NME7: variants seen among roughly 807,000 people sequenced by gnomAD.
NME7 encodes the protein NME/NM23 family member 7.
Under a neutral mutation model 49.1 loss-of-function variants are expected in NME7, and 41 were observed. That is an observed-to-expected ratio of 0.83 (90% confidence interval 0.65 to 1.08). NME7 has a LOEUF of 1.08. NME7 is among the 50% of genes least tolerant of loss of function. The pLI is 0.00. For missense variants in NME7, 423 were observed against 463.4 expected, an observed-to-expected ratio of 0.91 and a Z score of 0.80; for synonymous variants, 139 against 150.6, an observed-to-expected ratio of 0.92 and a Z score of 0.56.
chr1:169,285,060 C>T (rs934942162), intron 7 of NME7: 13 of 152,054 alleles, frequency 8.5e-5, no homozygotes, highest in Middle Eastern at 6.8e-3. Context: ...CAAATATACA[C>T]GGGTGTATGT....
At chr1:169,245,723 AT>A (rs1372370746) in intron 7 of NME7, among the ~76,000 whole-genome samples, 6 of 152,344 alleles carry the variant, frequency 3.9e-5, no homozygotes, top group Admixed American at 2.0e-4. Context: ...TAACTAAAAA[AT>A]AGACGTGTAT....
At chr1:169,236,650 G>A (rs974791569) in intron 8 of NME7, among the ~76,000 whole-genome samples, 1 of 151,260 alleles carries the variant, frequency 6.6e-6, no homozygotes, top group Non-Finnish European at 1.5e-5. Flanking sequence ...ATAATTCTAG[G>A]TAAGATTCTT....
intron 10 of NME7, among the ~76,000 whole-genome samples, chr1:169,188,066 A>C (rs1347621207): frequency 6.6e-6 from 1 of 152,134 alleles, no homozygotes; most frequent in Non-Finnish European, 1.5e-5. Flanking sequence ...AGAATGTTGA[A>C]TATTGGCCCC....
Position 169,271,984 on chromosome 1 carries a change from G to A in NME7, c.754+15319C>T, listed in dbSNP as rs940920274. On this transcript the variant is annotated intron_variant, in intron 7 of 11. Transcript: ENST00000367811. The stretch of plus-strand genomic sequence containing the variant: ...CTGGGTTAATTACATACTTCAAAAT[G>A]GTCTTAAATTATTCCAAAAATACAG... 6.1e-5 allele frequency among the ~76,000 whole-genome samples: 8 copies of A among 130,868 alleles called. 1 individual carries two copies. The highest frequency in any genetic ancestry group is 2.1e-4 in the African/African-American group (8 of 38,954). The allele number at this position is 130,868 out of a possible 152,430, so 85.9% of individuals were successfully genotyped here. A position where few individuals can be genotyped will look rare whatever the true frequency, so the allele number is the denominator to read the frequency against.
chr1:169,218,683 T>C (rs563933158), intron 10 of NME7, among the ~76,000 whole-genome samples: 10 of 138,964 alleles, frequency 7.2e-5, no homozygotes, highest in Non-Finnish European at 9.7e-5. Flanking sequence ...TTTTTTTTTT[T>C]AGTAATATAG....
At chr1:169,300,911 A>G (rs898165539) in intron 5 of NME7, among the ~76,000 whole-genome samples, 1 of 152,040 alleles carries the variant, frequency 6.6e-6, no homozygotes, top group Non-Finnish European at 1.5e-5. Flanking sequence ...GCCCCTTAAC[A>G]TTAACCATAT....
At chr1:169,287,712 T>C (rs982335994) in intron 6 of NME7, among the ~76,000 whole-genome samples, 24 of 151,778 alleles carry the variant, frequency 1.6e-4, no homozygotes, top group African/African-American at 5.6e-4. Flanking sequence ...AATACCAATA[T>C]AAAGTTCTTA....
At chr1:169,141,109 G>C (rs1658581308) in intron 11 of NME7, among the ~76,000 whole-genome samples, 1 of 151,970 alleles carries the variant, frequency 6.6e-6, no homozygotes, top group East Asian at 1.9e-4. Context: ...AGATCTTGTT[G>C]ACAAATGATT....
At chr1:169,342,489 ATATATATATACAAGTACATATATATATAG>A (rs1557831001) in intron 1 of NME7, among the ~76,000 whole-genome samples, 7 of 138,836 alleles carry the variant, frequency 5.0e-5, no homozygotes, top group Admixed American at 3.9e-4. Flanking sequence ...GTATTAGTAT[ATATATATATACAAGTACATATATATATAG>A]TATATATATA....
At chr1:169,229,037 T>A (rs1288548478) in intron 10 of NME7, among the ~76,000 whole-genome samples, 2 of 152,180 alleles carry the variant, frequency 1.3e-5, no homozygotes, top group Non-Finnish European at 2.9e-5. Flanking sequence ...TTTAATCTCT[T>A]CCAATTTAGT....
chr1:169,137,914 T>C (rs530754213), intron 11 of NME7, among the ~76,000 whole-genome samples: 76 of 152,322 alleles, frequency 5.0e-4, no homozygotes, highest in African/African-American at 1.8e-3. Context: ...CACAAATCTA[T>C]TTATGGTCTA....
chr1:169,196,803 G>A (rs75423765), intron 10 of NME7, among the ~76,000 whole-genome samples: 2,217 of 152,202 alleles, frequency 0.015, 49 homozygotes, highest in African/African-American at 0.048. Context: ...CTCTACTGAC[G>A]ACTGAGCATA....
intron 1 of NME7, among the ~76,000 whole-genome samples, chr1:169,358,860 A>G (rs941323287): frequency 1.3e-5 from 2 of 152,116 alleles, no homozygotes; most frequent in Non-Finnish European, 2.9e-5. Flanking sequence ...CTGGCAATGT[A>G]TATTGAAAGC....
chr1:169,336,905 C>T (rs542335157), intron 1 of NME7, among the ~76,000 whole-genome samples: 1 of 152,282 alleles, frequency 6.6e-6, no homozygotes, highest in South Asian at 2.1e-4. Context: ...GGTGTGTTTA[C>T]AAACCTTGAG....
At position 169,303,108 on chromosome 1, in the gene NME7, C is replaced by A. The variant is rs1254391409; in HGVS notation, c.440+37G>T. 3.6e-6 allele frequency: 5 copies of A among 1,376,662 alleles called. No individual in the cohort carries two copies. In the Admixed American group the frequency reaches 7.4e-5, roughly 20 times the overall value. 85.3% of individuals were successfully genotyped at this position (1,376,662 alleles called of 1,614,324 possible). On this transcript the variant is annotated intron_variant, in intron 5 of 11. Coordinates refer to ENST00000367811, the MANE Select transcript of NME7 (RefSeq NM_013330.5). ...ACTCCATAGTTTTCTAGGATATCCTCCTTTACATACCACTAATCCCCAAAT... is the reference window on the plus strand; with the variant it reads ...ACTCCATAGTTTTCTAGGATATCCTACTTTACATACCACTAATCCCCAAAT...
rs201379839 is a variant in NME7, at chr1:169,178,739, G to A, written c.991-9185C>T. On this transcript the variant is annotated intron_variant, in intron 10 of 11. Coordinates refer to ENST00000367811, the MANE Select transcript of NME7 (RefSeq NM_013330.5). ...CTTAGTAAGTACCTTTTTGCTATCT[G>A]GTTTTCAGCTTTACTGCTCTATTGA... Among the ~76,000 whole-genome samples, 3 of 151,418 alleles carry A rather than the reference G, an allele frequency of 2.0e-5. No individual in the cohort carries two copies. The East Asian group carries it at 5.8e-4, about 29-fold the overall frequency.
intron 1 of NME7, among the ~76,000 whole-genome samples, chr1:169,362,094 G>A (rs186721660): frequency 1.4e-4 from 21 of 152,122 alleles, no homozygotes; most frequent in Non-Finnish European, 2.2e-4. Context: ...TGTAATCCAA[G>A]TTACTCACAA....
chr1:169,194,723 A>G (rs1300884970), intron 10 of NME7, among the ~76,000 whole-genome samples: 1 of 152,198 alleles, frequency 6.6e-6, no homozygotes, highest in East Asian at 1.9e-4. Context: ...TCTTTTGACA[A>G]TTCTTAGCTG....
chr1:169,220,038 C>T (rs928772086), intron 10 of NME7, among the ~76,000 whole-genome samples: 105 of 152,230 alleles, frequency 6.9e-4, no homozygotes, highest in African/African-American at 2.4e-3. Context: ...TTTCACAAAT[C>T]ATGAGTTTGA....
Sources: gnomAD v4.1 joint callset for allele counts (sites outside exome capture counted in the v4.1 genomes callset) on GRCh38, gnomAD v4.1.1 for gene constraint, MANE v1.5 for transcripts, NCBI Gene and HGNC (gene_info 2026-07-23, HGNC 2026-07-21) for gene names.